Variants in ARHGAP8 observed in about 807,000 individuals in gnomAD.
ARHGAP8 encodes the protein rho GTPase-activating protein 8.
A neutral mutation model predicts 46.1 loss-of-function variants in ARHGAP8; 62 were observed. That is an observed-to-expected ratio of 1.34 (90% CI 1.10 to 1.66). The LOEUF (loss-of-function observed/expected upper bound fraction) is 1.66, where lower values mean the gene tolerates loss of function less well. ARHGAP8 is among the 40% of genes most tolerant of loss of function. The pLI is 0.00. For missense variants in ARHGAP8, 923 were observed against 568.4 expected, an observed-to-expected ratio of 1.62 and a Z score of -6.34; for synonymous variants, 375 against 243.1, an observed-to-expected ratio of 1.54 and a Z score of -5.05.
At chr22:44,859,652 C>T (rs747894346) in intron 10 of ARHGAP8, 79 bp from the exon 11 acceptor site, 20 of 1,503,502 alleles carry the variant, frequency 1.3e-5, no homozygotes, top group Middle Eastern at 3.5e-4. Context: ...TTCCTACACC[C>T]CTGTTCTCCT....
intron 7 of ARHGAP8, among the ~76,000 whole-genome samples, chr22:44,835,947 T>C (rs535145520): frequency 4.1e-4 from 63 of 152,314 alleles, no homozygotes; most frequent in Non-Finnish European, 8.7e-4. Flanking sequence ...TCCTTCTCTT[T>C]GCGATCGGCC....
chr22:44,827,347 T>TG (rs1930605171), intron 7 of ARHGAP8, among the ~76,000 whole-genome samples: 1 of 123,740 alleles, frequency 8.1e-6, no homozygotes, highest in South Asian at 2.9e-4. Context: ...TTTTTTTTTT[T>TG]TTTTTTTTTT....
intron 7 of ARHGAP8, among the ~76,000 whole-genome samples, chr22:44,842,214 G>A (rs1287534117): frequency 2.0e-5 from 3 of 152,122 alleles, no homozygotes; most frequent in Admixed American, 2.0e-4. Flanking sequence ...AAAATTAGCT[G>A]GGCATGGTGG....
chr22:44,841,494 A>C (rs867700696), intron 7 of ARHGAP8, among the ~76,000 whole-genome samples: 1 of 151,872 alleles, frequency 6.6e-6, no homozygotes, highest in African/African-American at 2.4e-5. Context: ...GCCAAATCCA[A>C]CTTCCTTTTT....
At chr22:44,832,383 C>T (rs780047889) in intron 7 of ARHGAP8, among the ~76,000 whole-genome samples, 118 of 151,982 alleles carry the variant, frequency 7.8e-4, no homozygotes, top group Non-Finnish European at 1.4e-3. Context: ...TGTGCTACCA[C>T]GCCTGGCTAA....
At chr22:44,771,744 A>G (rs907082288) in intron 1 of ARHGAP8, among the ~76,000 whole-genome samples, 74 of 116,850 alleles carry the variant, frequency 6.3e-4, no homozygotes, top group South Asian at 8.6e-4. Context: ...TAGTAGAGAT[A>G]GGGTTTCACC....
intron 1 of ARHGAP8, among the ~76,000 whole-genome samples, chr22:44,765,032 G>C (rs1404367972): frequency 1.3e-5 from 2 of 152,236 alleles, no homozygotes; most frequent in Non-Finnish European, 2.9e-5. Flanking sequence ...CTTTGTCCTT[G>C]TTTGGATGAT....
intron 4 of ARHGAP8, among the ~76,000 whole-genome samples, chr22:44,812,774 G>T (rs1000594122): frequency 2.4e-4 from 36 of 152,086 alleles, no homozygotes; most frequent in Non-Finnish European, 8.8e-5. Flanking sequence ...TGGCTTAGTT[G>T]TTCATATGAT....
chr22:44,840,125 A>G (rs559115175), intron 7 of ARHGAP8, among the ~76,000 whole-genome samples: 2 of 152,324 alleles, frequency 1.3e-5, no homozygotes, highest in African/African-American at 2.4e-5. Context: ...CAGGCTCTTT[A>G]GGACAGGAGA....
intron 11 of ARHGAP8, among the ~76,000 whole-genome samples, chr22:44,860,755 C>A (rs3830112): frequency 0.46 from 57,376 of 125,712 alleles, 11,194 homozygotes; most frequent in East Asian, 0.56. Flanking sequence ...CCTGTGCAGC[C>A]AACAGGGGAA....
intron 4 of ARHGAP8, among the ~76,000 whole-genome samples, chr22:44,813,738 CACACACCTACAT>C (rs1229143501): frequency 4.6e-5 from 3 of 65,020 alleles, no homozygotes; most frequent in African/African-American, 1.6e-4. Flanking sequence ...CTTACACCTA[CACACACCTACAT>C]ACACACCTAT....
intron 3 of ARHGAP8, among the ~76,000 whole-genome samples, chr22:44,805,763 C>A (rs918437475): frequency 2.3e-4 from 35 of 152,208 alleles, no homozygotes; most frequent in African/African-American, 7.2e-4. Context: ...TACTTCTCCG[C>A]AGCCTTTATG....
Position 44,862,268 on chromosome 22 carries a change from C to T in ARHGAP8, c.982-7C>T, listed in dbSNP as rs188215081. The T allele has an allele frequency of 4.4e-5, 69 of 1,582,102 alleles. No homozygotes were observed. The East Asian group carries it at 4.7e-4, about 11-fold the overall frequency. Reference sequence around the variant, plus strand: ...ACTCCCCTTTACTTGTGTGTGGTTTCCTCCAGGTGTCCCGGGAGAGCATCT... The same window carrying T: ...ACTCCCCTTTACTTGTGTGTGGTTTTCTCCAGGTGTCCCGGGAGAGCATCT... On this transcript the variant is annotated splice_region_variant and splice_polypyrimidine_tract_variant and intron_variant, in intron 11 of 11. Transcript: ENST00000356099.
At chr22:44,835,690 G>A (rs739119) in intron 7 of ARHGAP8, among the ~76,000 whole-genome samples, 24,376 of 152,100 alleles carry the variant, frequency 0.16, 2,133 homozygotes, top group East Asian at 0.31. Context: ...CTTCCACCCC[G>A]TGCTAACACT....
rs117575065 is a variant in ARHGAP8, at chr22:44,768,656, G to C, written c.-72+16029G>C. Among the ~76,000 whole-genome samples, 324 of 152,000 alleles carry C rather than the reference G, an allele frequency of 2.1e-3. 12 individuals are homozygous for C. In the East Asian group the frequency reaches 0.047, roughly 22 times the overall value. ...GACCTAGGGGTATTTCCTGTAAACC[G>C]AACATTAGCACCGAAGGCTTAATTA... On this transcript the variant is annotated intron_variant, in intron 1 of 11. Coordinates refer to ENST00000356099, the MANE Select transcript of ARHGAP8 (RefSeq NM_181335.3).
chr22:44,810,646 G>A (rs552872844), intron 4 of ARHGAP8, among the ~76,000 whole-genome samples: 1 of 152,356 alleles, frequency 6.6e-6, no homozygotes, highest in South Asian at 2.1e-4. Flanking sequence ...CATGGAGGAA[G>A]CAGCCTTTGA....
At chr22:44,859,613 T>G in intron 10 of ARHGAP8, 118 bp from the exon 11 acceptor site, 2 of 1,103,022 alleles carry the variant, frequency 1.8e-6, no homozygotes, top group Non-Finnish European at 2.6e-6. Flanking sequence ...CAAGCCCAAA[T>G]GTGGGATAGT....
chr22:44,790,439 C>G (rs1427541401), intron 2 of ARHGAP8, among the ~76,000 whole-genome samples: 1 of 151,798 alleles, frequency 6.6e-6, no homozygotes, highest in Non-Finnish European at 1.5e-5. Context: ...ACTTTAGAAG[C>G]CCAAGGAAGG....
At chr22:44,824,098 G>A (rs1254122224) in intron 6 of ARHGAP8, among the ~76,000 whole-genome samples, 2 of 152,196 alleles carry the variant, frequency 1.3e-5, no homozygotes, top group Admixed American at 6.5e-5. Flanking sequence ...GGTGGGTGCT[G>A]CGAGCACCAG....
Sources: gnomAD v4.1 joint callset for allele counts (sites outside exome capture counted in the v4.1 genomes callset) on GRCh38, gnomAD v4.1.1 for gene constraint, MANE v1.5 for transcripts, NCBI Gene and HGNC (gene_info 2026-07-23, HGNC 2026-07-21) for gene names.